The following ACTN1 variants were observed in gnomAD, a reference collection of about 807,000 sequenced individuals.
The protein encoded by ACTN1 is actinin alpha 1.
In ACTN1, 30 loss-of-function variants were observed where a neutral mutation model predicts 119.6. The ratio of observed to expected loss-of-function variants is 0.25; its 90% CI spans 0.19 to 0.34. The LOEUF (loss-of-function observed/expected upper bound fraction) is 0.34, where lower values mean the gene tolerates loss of function less well. ACTN1 is among the 10% of genes least tolerant of loss of function. The probability of loss-of-function intolerance (pLI) is 1.00; values close to 1 mark genes in which losing one functional copy is unlikely to be tolerated. For missense variants in ACTN1, 764 were observed against 1,223.4 expected (o/e 0.62, Z 5.60); for synonymous variants, 429 against 472.6 (o/e 0.91, Z 1.20).
intron 3 of ACTN1, among the ~76,000 whole-genome samples, chr14:68,918,859 C>T (rs2034485220): frequency 6.6e-6 from 1 of 152,224 alleles, no homozygotes; most frequent in African/African-American, 2.4e-5. Context: ...GGATCTGCCA[C>T]ATAGAAGCAG....
In ACTN1 at chr14:68,950,743, A is replaced by G. The variant is rs555091859; in HGVS notation, c.106-25071T>C. 2.6e-5 allele frequency among the ~76,000 whole-genome samples: 4 copies of G among 152,004 alleles called. No homozygotes were observed. The South Asian group carries it at 8.3e-4, about 32-fold the overall frequency. ...CGCCTGGCTAATTTTTTGTATTTTT[A>G]GTAGAGACATGGTTTCACTGTGTTA... is the stretch of plus-strand genomic sequence containing the variant. On this transcript the variant is annotated intron_variant, in intron 1 of 21. Coordinates refer to ENST00000394419, the MANE Select transcript of ACTN1 (RefSeq NM_001130004.2).
chr14:68,910,771 GT>G (rs2033963034), intron 4 of ACTN1, among the ~76,000 whole-genome samples: 1 of 152,194 alleles, frequency 6.6e-6, no homozygotes, highest in South Asian at 2.1e-4. Context: ...CGTGGGCGTG[GT>G]TTCCCCCATA....
In ACTN1 at chr14:68,942,934, G is replaced by A. The variant is rs565727790; in HGVS notation, c.106-17262C>T. On this transcript the variant is annotated intron_variant, in intron 1 of 21. Transcript: ENST00000394419. ...ACACACAGAGGCCTTGCATGGCCCC[G>A]AGATGACACTGGGCCATGACGGAGG... Among the ~76,000 whole-genome samples the A allele has an allele frequency of 5.3e-5, 8 of 152,256 alleles. No individual in the cohort carries two copies. The South Asian group carries it at 6.2e-4, about 12-fold the overall frequency.
intron 1 of ACTN1, among the ~76,000 whole-genome samples, chr14:68,969,516 G>A (rs1011975694): frequency 7.9e-5 from 12 of 152,212 alleles, no homozygotes; most frequent in Admixed American, 3.9e-4. Flanking sequence ...GGATGTCTGC[G>A]GAGTTTAAAA....
chr14:68,914,704 G>T (rs2034190685), intron 3 of ACTN1, among the ~76,000 whole-genome samples: 1 of 152,114 alleles, frequency 6.6e-6, no homozygotes, highest in Non-Finnish European at 1.5e-5. Flanking sequence ...AGGAGCTCAA[G>T]GTTGCAGTGA....
Position 68,882,310 on chromosome 14 carries a change from G to T in ACTN1, c.1953+148C>A. The T allele has an allele frequency of 9.3e-7, 1 of 1,070,848 alleles. No individual in the cohort carries two copies. Among genetic ancestry groups the T allele is most frequent in the Non-Finnish European group, 1.3e-6 (1 of 748,826 alleles). The allele number at this position is 1,070,848 out of a possible 1,614,324, so 66.3% of individuals were successfully genotyped here. ...GGGCTTCTTCACATAGGCCCCCATA[G>T]CCTTCTACAGAACAGCAGACCCACG... On this transcript the variant is annotated intron_variant, in intron 16 of 21. Transcript: ENST00000394419. This position sits in a 1 kb window ranked among gnomAD's most constrained non-coding sequence, Gnocchi z 4.5.
At chr14:68,955,891 G>C (rs959287358) in intron 1 of ACTN1, among the ~76,000 whole-genome samples, 10 of 152,216 alleles carry the variant, frequency 6.6e-5, no homozygotes, top group African/African-American at 2.4e-4. Flanking sequence ...ATGGGGGTTT[G>C]GCGTCCAGAA....
intron 13 of ACTN1, 111 bp downstream of exon 13, chr14:68,884,664 T>C: frequency 1.1e-6 from 1 of 945,798 alleles, no homozygotes; most frequent in East Asian, 2.5e-5. Flanking sequence ...TTGGGGGAGG[T>C]CTGGGGAAGC....
chr14:68,957,526 T>C (rs1012411159), intron 1 of ACTN1, among the ~76,000 whole-genome samples: 6 of 152,366 alleles, frequency 3.9e-5, no homozygotes, highest in African/African-American at 1.2e-4. Flanking sequence ...TGATCAGTCA[T>C]TACAGTTCCT....
intron 2 of ACTN1, among the ~76,000 whole-genome samples, chr14:68,923,562 C>A (rs552134642): frequency 1.3e-5 from 2 of 151,988 alleles, no homozygotes; most frequent in South Asian, 4.2e-4. Flanking sequence ...GCAATCCCAG[C>A]GCTTTGGGAG....
chr14:68,885,835 G>A lies in ACTN1; in HGVS notation c.1235-260C>T. Reference sequence around the variant, plus strand: ...ACGCAGGAAGGCTATGCAGGAGTCTGTGGGAATGCATAGGGCATGACGCTA... The same window carrying A: ...ACGCAGGAAGGCTATGCAGGAGTCTATGGGAATGCATAGGGCATGACGCTA... On this transcript the variant is annotated intron_variant, in intron 11 of 21. Coordinates refer to ENST00000394419, the MANE Select transcript of ACTN1 (RefSeq NM_001130004.2). This position sits in a 1 kb window ranked among gnomAD's most constrained non-coding sequence, Gnocchi z 5.6. 1 of 478,906 alleles carries A rather than the reference G, an allele frequency of 2.1e-6. No homozygotes were observed. The highest frequency in any genetic ancestry group is 3.8e-6 in the Non-Finnish European group (1 of 261,434). The allele number at this position is 478,906 out of a possible 1,614,324, so 29.7% of individuals were successfully genotyped here.
Position 68,916,690 on chromosome 14 carries a change from G to A in ACTN1, c.340+4316C>T, listed in dbSNP as rs142872727. ...CTTTATGTCAGGGACTGCTTAGAAGGCTGGCCCCAAAGGGAGGGTTCCAAG... is the reference window on the plus strand; with the variant it reads ...CTTTATGTCAGGGACTGCTTAGAAGACTGGCCCCAAAGGGAGGGTTCCAAG... On this transcript the variant is annotated intron_variant, in intron 3 of 21. Coordinates refer to ENST00000394419, the MANE Select transcript of ACTN1 (RefSeq NM_001130004.2). 6.6e-3 allele frequency among the ~76,000 whole-genome samples: 1,004 copies of A among 152,232 alleles called. 13 individuals are homozygous for A. Among genetic ancestry groups the A allele is most frequent in the African/African-American group, 0.023 (965 of 41,524 alleles).
intron 6 of ACTN1, 89 bp from the exon 7 acceptor site, chr14:68,904,825 G>A: frequency 9.2e-7 from 1 of 1,091,884 alleles, no homozygotes; most frequent in Non-Finnish European, 1.4e-6. Context: ...CCAAACTGGG[G>A]AGCAGAGCGA....
chr14:68,918,074 AT>A (rs2034411145), intron 3 of ACTN1, among the ~76,000 whole-genome samples: 1 of 152,224 alleles, frequency 6.6e-6, no homozygotes, highest in African/African-American at 2.4e-5. Context: ...GTCTCAAAAA[AT>A]AAAAAATAAA....
chr14:68,955,273 C>T (rs2036316852), intron 1 of ACTN1, among the ~76,000 whole-genome samples: 1 of 152,208 alleles, frequency 6.6e-6, no homozygotes, highest in African/African-American at 2.4e-5. Context: ...CTAGGCTTCC[C>T]ATTGCCTGGG....
At chr14:68,959,064 C>T (rs1393041603) in intron 1 of ACTN1, among the ~76,000 whole-genome samples, 1 of 152,192 alleles carries the variant, frequency 6.6e-6, no homozygotes, top group African/African-American at 2.4e-5. Flanking sequence ...TACTTTTGCA[C>T]CAACCTATTA....
intron 1 of ACTN1, among the ~76,000 whole-genome samples, chr14:68,961,809 G>A (rs1326153010): frequency 6.6e-6 from 1 of 152,130 alleles, no homozygotes; most frequent in Non-Finnish European, 1.5e-5. Context: ...GGACTTGGTG[G>A]GCAAACTAGT....
chr14:68,893,524 C>T, intron 9 of ACTN1, 131 bp downstream of exon 9: 1 of 861,616 alleles, frequency 1.2e-6, no homozygotes, highest in Non-Finnish European at 1.8e-6. Context: ...CTCAGGCTGC[C>T]CTGGACTAGC....
chr14:68,937,163 T>C (rs1474703242), intron 1 of ACTN1, among the ~76,000 whole-genome samples: 1 of 152,080 alleles, frequency 6.6e-6, no homozygotes. Context: ...TTTGATACCA[T>C]TTGGCTCCTT....
Sources: gnomAD v4.1 joint callset for allele counts (sites outside exome capture counted in the v4.1 genomes callset) on GRCh38, gnomAD v4.1.1 for gene constraint, Gnocchi (gnomAD v3.1) non-coding constraint, MANE v1.5 for transcripts, NCBI Gene and HGNC (gene_info 2026-07-23, HGNC 2026-07-21) for gene names.